Variants in REV3L observed in about 807,000 individuals in gnomAD.
The protein encoded by REV3L is REV3 like, DNA directed polymerase zeta catalytic subunit, also known as DNA polymerase zeta catalytic subunit.
A neutral mutation model predicts 299.4 loss-of-function variants in REV3L; 69 were observed. The ratio of observed to expected loss-of-function variants is 0.23; its 90% CI spans 0.19 to 0.28. The LOEUF is 0.28. Among genes scored for constraint, REV3L ranks in the 10% least tolerant of loss-of-function variants. The pLI is 1.00. For synonymous variants in REV3L, 1,238 were observed against 1,271.4 expected (o/e 0.97, Z 0.56); for missense variants, 3,128 against 3,693.8 (o/e 0.85, Z 3.97).
intron 4 of REV3L, among the ~76,000 whole-genome samples, chr6:111,396,774 C>G (rs1340710804): frequency 1.3e-5 from 2 of 152,140 alleles, no homozygotes; most frequent in Admixed American, 1.3e-4. Flanking sequence ...AAGCCTTCCT[C>G]CCATCTTGAC....
At chr6:111,430,969 G>C in intron 1 of REV3L, 1 of 1,580,716 alleles carries the variant, frequency 6.3e-7, no homozygotes, top group Non-Finnish European at 8.6e-7. Context: ...AGTCTGGTGT[G>C]AATACTTTGC....
intron 26 of REV3L, among the ~76,000 whole-genome samples, chr6:111,315,951 T>A (rs1773471836): frequency 6.6e-6 from 1 of 152,136 alleles, no homozygotes; most frequent in African/African-American, 2.4e-5. Flanking sequence ...GGTTGGGGAC[T>A]GCTGTGGTCC....
chr6:111,394,825 C>A (rs1262532171), intron 4 of REV3L, among the ~76,000 whole-genome samples: 1 of 151,866 alleles, frequency 6.6e-6, no homozygotes, highest in Non-Finnish European at 1.5e-5. Flanking sequence ...ATCTCAGCCT[C>A]CCAAGCTGCT....
At chr6:111,398,259 A>C (rs1782734288) in intron 4 of REV3L, among the ~76,000 whole-genome samples, 1 of 151,970 alleles carries the variant, frequency 6.6e-6, no homozygotes, top group African/African-American at 2.4e-5. Context: ...AAAATAATAT[A>C]TAACTTATGT....
At chr6:111,328,008 G>C (rs1775017469) in intron 25 of REV3L, among the ~76,000 whole-genome samples, 1 of 151,930 alleles carries the variant, frequency 6.6e-6, no homozygotes, top group Non-Finnish European at 1.5e-5. Context: ...ACCTTCATTT[G>C]GCATGAAAAG....
chr6:111,307,197 TAATA>T (rs1382567642), intron 31 of REV3L, among the ~76,000 whole-genome samples, 160 bp downstream of exon 31: 5 of 152,362 alleles, frequency 3.3e-5, no homozygotes, highest in African/African-American at 9.6e-5. Flanking sequence ...AAACCATTAT[TAATA>T]GTTTATGATA....
Position 111,392,904 on chromosome 6 carries a change from A to G in REV3L, c.634T>C (p.Phe212Leu). The G allele has an allele frequency of 6.2e-7, 1 of 1,612,640 alleles. No individual in the cohort carries two copies. Among genetic ancestry groups the G allele is most frequent in the East Asian group, 2.2e-5 (1 of 44,770 alleles). The part of the protein sequence containing the change: ...LSGNSLADTL[F>L]RWEQDEIPSS... ...GGTATTTCATCTTGTTCCCACCGAA[A>G]TAAAGTATCAGCAAGAGAATTTCCT... Residue 212 changes from phenylalanine (F) to leucine (L), a missense_variant, in exon 5 of 32, where the codon TTT becomes CTT. Phe to Leu is a conservative substitution (Grantham distance 22, BLOSUM62 0). This residue lies in a region of REV3L where 2,409 missense variants were observed against 2,611.8 expected (regional missense o/e 0.92). Transcript: ENST00000368802.
At chr6:111,306,599 G>C (rs1772329409) in intron 31 of REV3L, among the ~76,000 whole-genome samples, 2 of 152,074 alleles carry the variant, frequency 1.3e-5, no homozygotes, top group African/African-American at 4.8e-5. Flanking sequence ...TCCCAGCTCG[G>C]CCACTTAGCA....
At chr6:111,353,178 T>G (rs1216471269) in intron 18 of REV3L, among the ~76,000 whole-genome samples, 1 of 152,184 alleles carries the variant, frequency 6.6e-6, no homozygotes, top group Non-Finnish European at 1.5e-5. Flanking sequence ...CTAGACTAAT[T>G]TACTGATATA....
intron 31 of REV3L, among the ~76,000 whole-genome samples, chr6:111,300,959 C>T (rs549836638): frequency 6.6e-6 from 1 of 152,258 alleles, no homozygotes; most frequent in African/African-American, 2.4e-5. Flanking sequence ...GCCTGCAGGG[C>T]CTGGCAGAAC....
chr6:111,398,404 T>C (rs946203159), intron 4 of REV3L, among the ~76,000 whole-genome samples: 1 of 151,802 alleles, frequency 6.6e-6, no homozygotes, highest in African/African-American at 2.4e-5. Flanking sequence ...ATTCCTCTTT[T>C]ACCCATGTGG....
At chr6:111,340,802 A>C (rs1776401772) in intron 21 of REV3L, among the ~76,000 whole-genome samples, 1 of 152,004 alleles carries the variant, frequency 6.6e-6, no homozygotes, top group Non-Finnish European at 1.5e-5. Flanking sequence ...CTTCTCATAT[A>C]ACATAATCCA....
In REV3L at chr6:111,329,796, A is replaced by G; in HGVS notation, c.8035-58T>C. 4.6e-6 allele frequency: 6 copies of G among 1,309,950 alleles called. 1 individual carries two copies. In the South Asian group the frequency reaches 7.4e-5, roughly 16 times the overall value. 81.1% of individuals were successfully genotyped at this position (1,309,950 alleles called of 1,614,324 possible). The stretch of plus-strand genomic sequence containing the variant: ...TCAAACATTATAGATTTACATAATT[A>G]AGAAGGAAGCATAAAACATAATAAT... On this transcript the variant is annotated intron_variant, in intron 24 of 31. Coordinates refer to ENST00000368802, the MANE Select transcript of REV3L (RefSeq NM_001372078.1).
chr6:111,373,925 C>A lies in REV3L; in HGVS notation c.4430G>T (p.Arg1477Met). The stretch of plus-strand genomic sequence containing the variant: ...ATTTGACATATCTAAAATAAAGCCC[C>A]TTTGCTTTTGCTCCCATGCTATTTG... ...IKQIAWEQKQ[R>M]GFILDMSNFK... The change falls in exon 13 of 32, where the codon AGG (arginine) becomes ATG (methionine). Residue 1477 changes from arginine to methionine, a missense_variant. Physicochemically the swap from Arg to Met is moderately conservative, Grantham distance 91. This residue lies in a region of REV3L where 2,409 missense variants were observed against 2,611.8 expected (regional missense o/e 0.92). Transcript: ENST00000368802. 1.2e-6 allele frequency: 2 copies of A among 1,614,050 alleles called. No homozygotes were observed. Among genetic ancestry groups the A allele is most frequent in the Non-Finnish European group, 1.7e-6 (2 of 1,179,970 alleles).
intron 1 of REV3L, among the ~76,000 whole-genome samples, chr6:111,424,595 G>C (rs1482198283): frequency 6.6e-6 from 1 of 152,140 alleles, no homozygotes; most frequent in Non-Finnish European, 1.5e-5. Flanking sequence ...TCAAAGCCTT[G>C]CATCCATAGC....
At chr6:111,472,345 CTT>C (rs1583123853) in intron 1 of REV3L, among the ~76,000 whole-genome samples, 1 of 151,850 alleles carries the variant, frequency 6.6e-6, no homozygotes, top group African/African-American at 2.4e-5. Context: ...TCTTTTAATT[CTT>C]GTTATACTTC....
chr6:111,374,217 A>G lies in REV3L; in HGVS notation c.4138T>C (p.Ser1380Pro). 6.2e-7 allele frequency: 1 copy of G among 1,613,852 alleles called. No homozygotes were observed. The highest frequency in any genetic ancestry group is 1.1e-5 in the South Asian group (1 of 91,072). Residue 1380 changes from serine (S) to proline (P), a missense_variant, in exon 13 of 32, where the codon TCA becomes CCA. Physicochemically the swap from Ser to Pro is moderately conservative, Grantham distance 74. Transcript: ENST00000368802. ...QNTQISSGMSSKIEDNANNIQ... is the reference protein window; with the variant it reads ...QNTQISSGMSPKIEDNANNIQ... ...TTATTTGCATTATCTTCTATCTTTG[A>G]GGACATACCAGAAGATATCTGTGTA...
Position 111,374,508 on chromosome 6 carries a change from G to C in REV3L, c.3847C>G (p.Pro1283Ala), listed in dbSNP as rs201293265. The C allele has an allele frequency of 6.3e-5, 102 of 1,613,882 alleles. 1 individual carries two copies. The South Asian group carries it at 6.6e-4, about 10-fold the overall frequency. The part of the protein sequence containing the change: ...AVDHPLSASL[P>A]TGINAQQKLS... The stretch of plus-strand genomic sequence containing the variant: ...TTCTGTTGTGCATTAATTCCAGTGG[G>C]TAGGGAAGCAGAAAGGGGATGATCT... Residue 1283 changes from proline (P) to alanine (A), a missense_variant, in exon 13 of 32, where the codon CCC (proline) becomes GCC (alanine). Physicochemically the swap from Pro to Ala is conservative, Grantham distance 27. Around this residue, in one of 9 missense-constraint regions of REV3L, gnomAD observed 2,409 missense variants for 2,611.8 expected, o/e 0.92. Coordinates refer to ENST00000368802, the MANE Select transcript of REV3L (RefSeq NM_001372078.1).
intron 1 of REV3L, among the ~76,000 whole-genome samples, chr6:111,469,538 C>G (rs1562362109): frequency 6.6e-6 from 1 of 152,162 alleles, no homozygotes; most frequent in African/African-American, 2.4e-5. Context: ...CCCTCCCATA[C>G]CAACTCTGGA....
Sources: allele counts gnomAD v4.1 joint callset (sites outside exome capture counted in the v4.1 genomes callset), GRCh38; gene constraint gnomAD v4.1.1; regional missense constraint gnomAD v4.1.1; transcripts MANE v1.5; gene names NCBI Gene and HGNC (gene_info 2026-07-23, HGNC 2026-07-21).